PTPRN2: variants seen among roughly 807,000 people sequenced by gnomAD.
PTPRN2 encodes the protein protein tyrosine phosphatase receptor type N2, also known as receptor-type tyrosine-protein phosphatase N2.
PTPRN2 carries 74 observed loss-of-function variants against 118.8 expected under a neutral mutation model. The ratio of observed to expected loss-of-function variants is 0.62; its 90% CI spans 0.52 to 0.76. The LOEUF (loss-of-function observed/expected upper bound fraction) is 0.76, where lower values mean the gene tolerates loss of function less well. Among genes scored for constraint, PTPRN2 ranks in the 30% least tolerant of loss-of-function variants. The pLI, the probability that PTPRN2 is intolerant of heterozygous loss-of-function variation, is 0.00. For missense variants in PTPRN2, 1,481 were observed against 1,394.4 expected (o/e 1.06, Z -0.99); for synonymous variants, 641 against 608.0 (o/e 1.05, Z -0.80).
intron 3 of PTPRN2, among the ~76,000 whole-genome samples, chr7:158,224,765 A>G (rs766994770): frequency 2.1e-4 from 32 of 152,224 alleles, no homozygotes; most frequent in Non-Finnish European, 3.5e-4. Flanking sequence ...CTCTGTGGAA[A>G]GGCCCTCTTA....
At chr7:157,956,135 G>A (rs1013153123) in intron 11 of PTPRN2, among the ~76,000 whole-genome samples, 3 of 152,154 alleles carry the variant, frequency 2.0e-5, no homozygotes, top group Non-Finnish European at 4.4e-5. Flanking sequence ...GTTTATGGCT[G>A]TTTGATGAGA....
chr7:158,136,789 T>C (rs548615270), intron 7 of PTPRN2, 94 bp from the exon 8 acceptor site: 30 of 1,182,754 alleles, frequency 2.5e-5, no homozygotes, highest in Non-Finnish European at 3.8e-5. Flanking sequence ...GACCCCTCCA[T>C]ACGAAAGGTG....
At chr7:157,593,928 T>A (rs1801140141) in intron 17 of PTPRN2, among the ~76,000 whole-genome samples, 1 of 152,090 alleles carries the variant, frequency 6.6e-6, no homozygotes, top group African/African-American at 2.4e-5. Flanking sequence ...GAGATGCAGT[T>A]TAGTTTTATT....
At chr7:158,092,363 T>C (rs1814264059) in intron 10 of PTPRN2, among the ~76,000 whole-genome samples, 1 of 147,504 alleles carries the variant, frequency 6.8e-6, no homozygotes, top group South Asian at 2.2e-4. Context: ...GGTAGAAGGA[T>C]GGATGGATGG....
chr7:158,146,438 T>C (rs544257621), intron 6 of PTPRN2, among the ~76,000 whole-genome samples: 8 of 152,074 alleles, frequency 5.3e-5, no homozygotes, highest in South Asian at 4.2e-4. Flanking sequence ...TAAGAAATAA[T>C]AGGCTGGGCT....
At chr7:157,551,877 GCACCCCACAGCCACCACA>G (rs1411741869) in intron 21 of PTPRN2, among the ~76,000 whole-genome samples, 2 of 61,252 alleles carry the variant, frequency 3.3e-5, no homozygotes, top group Non-Finnish European at 6.5e-5. Context: ...TGGGCACCAC[GCACCCCACAGCCACCACA>G]CACCCCACAG....
At chr7:158,373,260 G>A (rs7782612) in intron 2 of PTPRN2, among the ~76,000 whole-genome samples, 1,779 of 152,310 alleles carry the variant, frequency 0.012, 37 homozygotes, top group African/African-American at 0.04. Flanking sequence ...CCTTGACCTC[G>A]GGGCCCGGCC....
chr7:158,034,135 A>G (rs1807910197), intron 11 of PTPRN2, among the ~76,000 whole-genome samples: 2 of 151,396 alleles, frequency 1.3e-5, no homozygotes, highest in Admixed American at 1.3e-4. Flanking sequence ...CTGCACACTG[A>G]GACCTCAATA....
rs560230790 is a variant in PTPRN2 at position 157,952,009 on chromosome 7, C to T, written c.1724-53272G>A. Reference sequence around the variant, plus strand: ...CGTCTCCAGCCTGCGCCCCGCACTGCGTTCGCTGCCCATCTTCCTCCCAAG... The same window carrying T: ...CGTCTCCAGCCTGCGCCCCGCACTGTGTTCGCTGCCCATCTTCCTCCCAAG... On this transcript the variant is annotated intron_variant, in intron 11 of 22. Coordinates refer to ENST00000389418, the MANE Select transcript of PTPRN2 (RefSeq NM_002847.5). Among the ~76,000 whole-genome samples, 8 of 152,342 alleles carry T rather than the reference C, an allele frequency of 5.3e-5. No individual in the cohort carries two copies. In the East Asian group the frequency reaches 1.2e-3, roughly 22 times the overall value.
intron 11 of PTPRN2, among the ~76,000 whole-genome samples, chr7:157,960,962 A>G (rs969966367): frequency 2.0e-5 from 3 of 152,164 alleles, no homozygotes; most frequent in African/African-American, 7.2e-5. Context: ...AGCCAAGAAC[A>G]TGCCACTGCA....
intron 2 of PTPRN2, among the ~76,000 whole-genome samples, chr7:158,468,956 C>T (rs1819608313): frequency 6.6e-6 from 1 of 152,030 alleles, no homozygotes; most frequent in African/African-American, 2.4e-5. Context: ...CACCCACACA[C>T]ACTCCGGGTG....
chr7:157,729,427 C>A lies in PTPRN2; in HGVS notation c.1789-46490G>T, dbSNP rs887954933. Among the ~76,000 whole-genome samples the A allele has an allele frequency of 1.3e-5, 2 of 152,212 alleles. No homozygotes were observed. Among genetic ancestry groups the A allele is most frequent in the Non-Finnish European group, 2.9e-5 (2 of 68,014 alleles). ...CCGTGGACAGCTCCATCTTCAGCAG[C>A]TCCGTGCATAGGGACTCCTGGGAAG... On this transcript the variant is annotated intron_variant, in intron 12 of 22. Coordinates refer to ENST00000389418, the MANE Select transcript of PTPRN2 (RefSeq NM_002847.5). The surrounding 1 kb of genome is among the most constrained non-coding windows in gnomAD (Gnocchi z 4.3).
intron 22 of PTPRN2, among the ~76,000 whole-genome samples, chr7:157,541,751 A>C (rs1660258119): frequency 6.6e-6 from 1 of 152,268 alleles, no homozygotes; most frequent in African/African-American, 2.4e-5. Flanking sequence ...GGCAGCCCCA[A>C]GCCAAAAACG....
rs530856466 is a variant in PTPRN2 at position 157,881,410 on chromosome 7, G to A, written c.1788+17263C>T. 2.0e-5 allele frequency among the ~76,000 whole-genome samples: 3 copies of A among 152,262 alleles called. No homozygotes were observed. The East Asian group carries it at 5.8e-4, about 29-fold the overall frequency. The stretch of plus-strand genomic sequence containing the variant: ...TGAGGATGCAGAGACGGCATCTGAA[G>A]CCCAGGAGAGAGGCCTTGGGAGAGA... On this transcript the variant is annotated intron_variant, in intron 12 of 22. Transcript: ENST00000389418. This position sits in a 1 kb window ranked among gnomAD's most constrained non-coding sequence, Gnocchi z 4.7.
chr7:158,143,658 T>TG (rs34323550), intron 6 of PTPRN2, among the ~76,000 whole-genome samples: 1 of 151,762 alleles, frequency 6.6e-6, no homozygotes, highest in Non-Finnish European at 1.5e-5. Flanking sequence ...ATCAGGTGAG[T>TG]GGGGCAGGAG....
intron 9 of PTPRN2, among the ~76,000 whole-genome samples, chr7:158,123,776 G>A (rs977410439): frequency 3.3e-5 from 5 of 152,302 alleles, no homozygotes; most frequent in Non-Finnish European, 7.3e-5. Context: ...TCTATATAGC[G>A]TCACCTTTAA....
Position 158,219,248 on chromosome 7 carries a change from T to TA in PTPRN2, c.278-13976dup, listed in dbSNP as rs1384735064. Reference sequence around the variant, plus strand: ...GGCCCACATGTAATATAAATACAAATAAAAAACAAGAAGATCTCTCAAAAC... The same window carrying TA: ...GGCCCACATGTAATATAAATACAAATAAAAAAACAAGAAGATCTCTCAAAAC... On this transcript the variant is annotated intron_variant, in intron 3 of 22. Coordinates refer to ENST00000389418, the MANE Select transcript of PTPRN2 (RefSeq NM_002847.5). Among the ~76,000 whole-genome samples, 187 of 151,920 alleles carry TA rather than the reference T, an allele frequency of 1.2e-3. 2 individuals are homozygous for TA. Among genetic ancestry groups the TA allele is most frequent in the Non-Finnish European group, 2.7e-4 (18 of 67,882 alleles).
intron 11 of PTPRN2, among the ~76,000 whole-genome samples, chr7:158,039,010 C>T (rs1038863643): frequency 6.6e-6 from 1 of 152,040 alleles, no homozygotes; most frequent in African/African-American, 2.4e-5. Flanking sequence ...TGGCCCTCCC[C>T]CTTTGGCATA....
intron 11 of PTPRN2, among the ~76,000 whole-genome samples, chr7:158,002,365 A>C (rs877002): frequency 6.6e-6 from 1 of 152,052 alleles, no homozygotes; most frequent in South Asian, 2.1e-4. Flanking sequence ...TTAGTGCCAC[A>C]GAGTTTCGGC....
Sources: allele counts gnomAD v4.1 joint callset (sites outside exome capture counted in the v4.1 genomes callset), GRCh38; gene constraint gnomAD v4.1.1; non-coding constraint Gnocchi (gnomAD v3.1); transcripts MANE v1.5; gene names NCBI Gene and HGNC (gene_info 2026-07-23, HGNC 2026-07-21).